The following CSMD1 variants were observed in gnomAD, a reference collection of about 807,000 sequenced individuals.
CSMD1 encodes the protein CUB and sushi domain-containing protein 1.
Under a neutral mutation model 417.5 loss-of-function variants are expected in CSMD1, and 213 were observed. The observed-to-expected ratio is 0.51, with a 90% CI of 0.46 to 0.57. The LOEUF (loss-of-function observed/expected upper bound fraction) is 0.57. Ranked by LOEUF, CSMD1 falls within the 20% of genes least tolerant of loss-of-function variation. The pLI is 0.00. For synonymous variants in CSMD1, 2,862 were observed against 1,736.8 expected (o/e 1.65, Z -16.11); for missense variants, 6,923 against 4,529.7 (o/e 1.53, Z -15.17).
chr8:3,868,692 C>T (rs115089066), intron 5 of CSMD1, among the ~76,000 whole-genome samples: 32 of 152,134 alleles, frequency 2.1e-4, no homozygotes, highest in African/African-American at 7.5e-4. Flanking sequence ...ATGAATGCAG[C>T]GTTATCCTTC....
chr8:3,839,430 A>AT, intron 5 of CSMD1, among the ~76,000 whole-genome samples: 2 of 124,918 alleles, frequency 1.6e-5, no homozygotes, highest in Non-Finnish European at 3.2e-5. Context: ...ATATATAATA[A>AT]ATTAATATTA....
At chr8:4,607,375 C>G (rs774623173) in intron 2 of CSMD1, among the ~76,000 whole-genome samples, 1 of 152,040 alleles carries the variant, frequency 6.6e-6, no homozygotes, top group African/African-American at 2.4e-5. Context: ...AGGAATAATA[C>G]GGAGTAGTTG....
At chr8:3,671,999 T>C (rs1339998768) in intron 7 of CSMD1, among the ~76,000 whole-genome samples, 8 of 152,156 alleles carry the variant, frequency 5.3e-5, no homozygotes, top group East Asian at 1.9e-4. Context: ...ACAAAAATAA[T>C]TGAGAACACA....
At chr8:4,299,096 G>A (rs965877579) in intron 3 of CSMD1, among the ~76,000 whole-genome samples, 1 of 152,094 alleles carries the variant, frequency 6.6e-6, no homozygotes, top group Non-Finnish European at 1.5e-5. Flanking sequence ...TATAAGGAGG[G>A]AAGAAGGTGA....
intron 3 of CSMD1, among the ~76,000 whole-genome samples, chr8:4,335,915 A>T (rs1800140870): frequency 6.6e-6 from 1 of 152,102 alleles, no homozygotes; most frequent in South Asian, 2.1e-4. Flanking sequence ...ATGATCAAAA[A>T]TAGTGAGGGA....
At chr8:3,627,770 TG>T (rs1237652570) in intron 7 of CSMD1, among the ~76,000 whole-genome samples, 1 of 152,144 alleles carries the variant, frequency 6.6e-6, no homozygotes, top group Non-Finnish European at 1.5e-5. Flanking sequence ...ATGAGAAAAG[TG>T]AGGGTTGGAA....
intron 7 of CSMD1, among the ~76,000 whole-genome samples, chr8:3,706,065 T>A (rs1426379439): frequency 1.3e-5 from 2 of 152,230 alleles, no homozygotes; most frequent in Admixed American, 6.5e-5. Flanking sequence ...AAGGCACGCA[T>A]GACGCGCTGG....
chr8:4,265,012 G>A (rs994589637), intron 3 of CSMD1, among the ~76,000 whole-genome samples: 1 of 152,122 alleles, frequency 6.6e-6, no homozygotes, highest in South Asian at 2.1e-4. Context: ...AATATGTCAA[G>A]TATATAAATT....
intron 1 of CSMD1, among the ~76,000 whole-genome samples, chr8:4,915,595 G>A (rs1806005645): frequency 1.3e-5 from 2 of 152,212 alleles, no homozygotes; most frequent in Non-Finnish European, 2.9e-5. Context: ...ACAGCTGGGG[G>A]ACTGTTGCAT....
intron 3 of CSMD1, among the ~76,000 whole-genome samples, chr8:4,341,593 CCT>C (rs897091698): frequency 2.0e-4 from 31 of 152,024 alleles, no homozygotes; most frequent in African/African-American, 7.2e-4. Context: ...TCTGTGGTTC[CCT>C]GTTTGTCCAG....
chr8:3,120,153 G>C (rs1423333981), intron 41 of CSMD1, among the ~76,000 whole-genome samples: 1 of 152,220 alleles, frequency 6.6e-6, no homozygotes, highest in Non-Finnish European at 1.5e-5. Context: ...TTCAGGACCT[G>C]AGAAAAAGAG....
chr8:4,446,057 C>T (rs1272283686), intron 2 of CSMD1, among the ~76,000 whole-genome samples: 3 of 152,106 alleles, frequency 2.0e-5, no homozygotes, highest in South Asian at 2.1e-4. Context: ...GAAGAGGAGA[C>T]GAGGCTGTTT....
chr8:3,744,073 T>C (rs572396125), intron 6 of CSMD1, among the ~76,000 whole-genome samples: 230 of 152,312 alleles, frequency 1.5e-3, no homozygotes, highest in African/African-American at 5.2e-3. Flanking sequence ...GAGAAGGACA[T>C]AGACCTGTCT....
At chr8:3,493,566 C>T (rs1285685006) in intron 11 of CSMD1, 57 bp downstream of exon 11, 9 of 1,419,248 alleles carry the variant, frequency 6.3e-6, no homozygotes, top group African/African-American at 4.2e-5. Context: ...CTCATCTCCA[C>T]CCACCGTGCC....
intron 1 of CSMD1, among the ~76,000 whole-genome samples, chr8:4,786,292 T>C (rs1428078555): frequency 6.6e-6 from 1 of 152,206 alleles, no homozygotes; most frequent in Non-Finnish European, 1.5e-5. Flanking sequence ...GTTCTAGAAG[T>C]AAACACTCCT....
At chr8:3,382,739 A>G (rs886272176) in intron 18 of CSMD1, among the ~76,000 whole-genome samples, 2 of 151,350 alleles carry the variant, frequency 1.3e-5, no homozygotes, top group South Asian at 2.1e-4. Context: ...GTAGCAGAGT[A>G]TGATTATTTC....
intron 5 of CSMD1, among the ~76,000 whole-genome samples, chr8:3,937,598 T>A (rs941878133): frequency 1.3e-5 from 2 of 152,174 alleles, no homozygotes; most frequent in African/African-American, 2.4e-5. Context: ...TAATATGCAC[T>A]GGGGAACCCA....
chr8:4,054,427 A>C (rs1364045626), intron 3 of CSMD1, among the ~76,000 whole-genome samples: 2 of 152,122 alleles, frequency 1.3e-5, no homozygotes, highest in African/African-American at 2.4e-5. Context: ...TCATACCCCT[A>C]AACTCTTGTA....
At chr8:3,328,809 G>C (rs1806703820) in intron 23 of CSMD1, among the ~76,000 whole-genome samples, 1 of 152,120 alleles carries the variant, frequency 6.6e-6, no homozygotes, top group Non-Finnish European at 1.5e-5. Flanking sequence ...AAATTAAATT[G>C]GGGAATTAGT....
Sources: gnomAD v4.1 joint callset for allele counts (sites outside exome capture counted in the v4.1 genomes callset) on GRCh38, gnomAD v4.1.1 for gene constraint, MANE v1.5 for transcripts, NCBI Gene and HGNC (gene_info 2026-07-23, HGNC 2026-07-21) for gene names.